Variants in MOXD1 observed in about 807,000 individuals in gnomAD.
The protein encoded by MOXD1 is monooxygenase DBH like 1, also known as DBH-like monooxygenase protein 1.
A neutral mutation model predicts 66.6 loss-of-function variants in MOXD1; 62 were observed. The ratio of observed to expected loss-of-function variants is 0.93; its 90% CI spans 0.76 to 1.15. The LOEUF (loss-of-function observed/expected upper bound fraction) is 1.15, where lower values mean the gene tolerates loss of function less well. MOXD1 is among the 50% of genes most tolerant of loss of function. The probability of loss-of-function intolerance (pLI) is 0.00; values close to 1 mark genes in which losing one functional copy is unlikely to be tolerated. For synonymous variants in MOXD1, 303 were observed against 281.9 expected (o/e 1.07, Z -0.75); for missense variants, 847 against 754.6 (o/e 1.12, Z -1.44).
chr6:132,397,690 GAAAGAAAGAAAA>G (rs1776925671), intron 1 of MOXD1, among the ~76,000 whole-genome samples: 4 of 121,990 alleles, frequency 3.3e-5, no homozygotes, highest in Non-Finnish European at 5.4e-5. Flanking sequence ...AAGAAAGAAA[GAAAGAAAGAAAA>G]AGAAAGAGTA....
intron 1 of MOXD1, among the ~76,000 whole-genome samples, chr6:132,382,411 T>C (rs769781187): frequency 1.3e-5 from 2 of 152,122 alleles, no homozygotes; most frequent in Non-Finnish European, 2.9e-5. Context: ...ATAAATGGCT[T>C]TATGTGGCTC....
chr6:132,369,764 G>A (rs747919832), intron 4 of MOXD1, among the ~76,000 whole-genome samples: 1 of 152,098 alleles, frequency 6.6e-6, no homozygotes, highest in Admixed American at 6.6e-5. Context: ...CAGCTGGAAT[G>A]AAGCAGGACA....
At chr6:132,381,719 A>G (rs756728804) in intron 1 of MOXD1, among the ~76,000 whole-genome samples, 16 of 152,184 alleles carry the variant, frequency 1.1e-4, no homozygotes, top group Admixed American at 2.0e-4. Context: ...TTGTGTTACT[A>G]TCATCCTCTA....
At chr6:132,319,178 G>A (rs626471) in intron 9 of MOXD1, among the ~76,000 whole-genome samples, 78,550 of 151,780 alleles carry the variant, frequency 0.52, 24,120 homozygotes, top group African/African-American at 0.85. Context: ...TGCTCCATGT[G>A]AAAGCTAAAA....
chr6:132,374,902 G>T, intron 1 of MOXD1, 125 bp from the exon 2 acceptor site: 1 of 967,992 alleles, frequency 1.0e-6, no homozygotes, highest in Non-Finnish European at 1.5e-6. Flanking sequence ...ATTTCCAAGG[G>T]GCTGGAGTAT....
chr6:132,365,565 G>A (rs1776104354), intron 4 of MOXD1, among the ~76,000 whole-genome samples: 1 of 152,150 alleles, frequency 6.6e-6, no homozygotes. Flanking sequence ...GACCAGGCAA[G>A]GTTAAGTACT....
intron 4 of MOXD1, among the ~76,000 whole-genome samples, chr6:132,328,829 A>T (rs773711909): frequency 1.3e-5 from 2 of 152,224 alleles, no homozygotes; most frequent in Non-Finnish European, 2.9e-5. Flanking sequence ...TCCAAGAAAC[A>T]GGACTTTACT....
intron 8 of MOXD1, 79 bp downstream of exon 8, chr6:132,322,600 T>C: frequency 7.0e-7 from 1 of 1,418,770 alleles, no homozygotes; most frequent in South Asian, 1.4e-5. Flanking sequence ...ATTTCACTAG[T>C]AGAAACCTTG....
chr6:132,309,210 T>G (rs1474744902), intron 10 of MOXD1, among the ~76,000 whole-genome samples: 3 of 152,128 alleles, frequency 2.0e-5, no homozygotes, highest in African/African-American at 7.2e-5. Context: ...ATCACAAGCA[T>G]TCCTTTACAC....
intron 8 of MOXD1, 36 bp from the exon 9 acceptor site, chr6:132,320,724 T>G: frequency 6.5e-7 from 1 of 1,532,886 alleles, no homozygotes; most frequent in South Asian, 1.2e-5. Context: ...AGATTGAAGT[T>G]TTATGCTGGC....
intron 4 of MOXD1, among the ~76,000 whole-genome samples, chr6:132,363,242 G>T (rs1776051457): frequency 6.8e-6 from 1 of 148,084 alleles, no homozygotes. Context: ...AAACCAAAGA[G>T]ACTCAAGGAA....
At chr6:132,365,990 A>T (rs1025368127) in intron 4 of MOXD1, among the ~76,000 whole-genome samples, 1 of 152,190 alleles carries the variant, frequency 6.6e-6, no homozygotes, top group Non-Finnish European at 1.5e-5. Flanking sequence ...TAAACATTGT[A>T]ACACAAATTA....
intron 4 of MOXD1, among the ~76,000 whole-genome samples, chr6:132,358,436 G>T (rs1375700140): frequency 6.6e-6 from 1 of 152,100 alleles, no homozygotes; most frequent in Non-Finnish European, 1.5e-5. Flanking sequence ...ATTTTTCTGA[G>T]CCTGTTTTCT....
chr6:132,364,070 T>G (rs1323044470), intron 4 of MOXD1, among the ~76,000 whole-genome samples: 2 of 152,140 alleles, frequency 1.3e-5, no homozygotes, highest in African/African-American at 2.4e-5. Context: ...AAAAATTGTT[T>G]CATGTCAGTT....
rs1776067919 is a variant in MOXD1 at position 132,364,025 on chromosome 6, G to A, written c.663+8583C>T. Among the ~76,000 whole-genome samples the A allele has an allele frequency of 3.9e-5, 6 of 152,178 alleles. No homozygotes were observed. In the South Asian group the frequency reaches 1.0e-3, roughly 26 times the overall value. ...GAAAAAGATATACAAGGTTGGAGTA[G>A]ACTTGGTTGGTAGAAGAAAAATTAA... On this transcript the variant is annotated intron_variant, in intron 4 of 11. Transcript: ENST00000367963.
rs547652675 is a variant in MOXD1 at position 132,363,159 on chromosome 6, T to C, written c.663+9449A>G. 2.0e-5 allele frequency among the ~76,000 whole-genome samples: 3 copies of C among 151,940 alleles called. No individual in the cohort carries two copies. In the South Asian group the frequency reaches 6.2e-4, roughly 31 times the overall value. On this transcript the variant is annotated intron_variant, in intron 4 of 11. Transcript: ENST00000367963. ...AAAAGTAGTCCAGCAGAATATAGTA[T>C]TTTGCACTTCCAAATTTGTTGAGTG...
At chr6:132,340,441 CTTTTTTTTT>C (rs71868555) in intron 4 of MOXD1, among the ~76,000 whole-genome samples, 5 of 106,288 alleles carry the variant, frequency 4.7e-5, no homozygotes, top group Non-Finnish European at 9.7e-5. Context: ...GCAACACTTT[CTTTTTTTTT>C]TTTTTTTTTT....
At chr6:132,324,207 G>A in intron 6 of MOXD1, 110 bp from the exon 7 acceptor site, 1 of 1,114,602 alleles carries the variant, frequency 9.0e-7, no homozygotes, top group Non-Finnish European at 1.3e-6. Context: ...GTTGAAATAG[G>A]TTTATTTATT....
intron 1 of MOXD1, among the ~76,000 whole-genome samples, chr6:132,387,760 A>G (rs1443580285): frequency 6.7e-6 from 1 of 149,928 alleles, no homozygotes; most frequent in East Asian, 1.9e-4. Context: ...CTAAAAAAAA[A>G]AAAAAAAAAA....
Sources: allele counts gnomAD v4.1 joint callset (sites outside exome capture counted in the v4.1 genomes callset), GRCh38; gene constraint gnomAD v4.1.1; transcripts MANE v1.5; gene names NCBI Gene and HGNC (gene_info 2026-07-23, HGNC 2026-07-21).